Variants in RNF157 observed in about 807,000 individuals in gnomAD.
RNF157 encodes the protein ring finger protein 157, also known as E3 ubiquitin ligase RNF157.
In RNF157, 55 loss-of-function variants were observed where a neutral mutation model predicts 88.3. The observed-to-expected ratio is 0.62, with a 90% confidence interval of 0.50 to 0.78. The LOEUF is 0.78. RNF157 is among the 30% of genes least tolerant of loss of function. The probability of loss-of-function intolerance (pLI) is 0.00; values close to 1 mark genes in which losing one functional copy is unlikely to be tolerated. For missense variants in RNF157, 788 were observed against 860.8 expected (o/e 0.92, Z 1.06); for synonymous variants, 334 against 341.2 (o/e 0.98, Z 0.23).
rs867416601 is a variant in RNF157, at chr17:76,161,391, G to A, written c.1065+144C>T. On this transcript the variant is annotated intron_variant, in intron 11 of 18. Transcript: ENST00000269391. The surrounding 1 kb of genome is among the most constrained non-coding windows in gnomAD (Gnocchi z 4.6). ...TCCACAGTAATAAGTTGGTTTTAACGCATGCTCTCAGCCGGCTTGCTAAAT... is the reference window on the plus strand; with the variant it reads ...TCCACAGTAATAAGTTGGTTTTAACACATGCTCTCAGCCGGCTTGCTAAAT... 27 of 677,774 alleles carry A rather than the reference G, an allele frequency of 4.0e-5. No homozygotes were observed. Among genetic ancestry groups the A allele is most frequent in the African/African-American group, 1.4e-4 (8 of 55,732 alleles). The allele number at this position is 677,774 out of a possible 1,614,324, so 42.0% of individuals were successfully genotyped here.
chr17:76,168,168 TA>T (rs56288526), intron 3 of RNF157, among the ~76,000 whole-genome samples: 219 of 152,340 alleles, frequency 1.4e-3, no homozygotes, highest in Non-Finnish European at 2.5e-3. Context: ...CCCACGTTTC[TA>T]AAAAATATAC....
intron 6 of RNF157, 84 bp from the exon 7 acceptor site, chr17:76,165,629 G>T: frequency 6.8e-7 from 1 of 1,464,830 alleles, no homozygotes; most frequent in South Asian, 1.1e-5. Context: ...CCTGCAATCT[G>T]GCAAACCAAA....
chr17:76,240,362 C>T lies in RNF157; in HGVS notation c.-122G>A. On this transcript the variant is annotated 5_prime_UTR_variant, in exon 1 of 19. Transcript: ENST00000269391. This position sits in a 1 kb window ranked among gnomAD's most constrained non-coding sequence, Gnocchi z 4.4. ...CTGCCCGCCGCGGCCGGCTCCGCTG[C>T]GGCGCTGCGGCTCTGGCGGCGGGGA... is the stretch of plus-strand genomic sequence containing the variant. 4.0e-6 allele frequency: 1 copy of T among 247,186 alleles called. No homozygotes were observed. The highest frequency in any genetic ancestry group is 6.3e-6 in the Non-Finnish European group (1 of 158,168). 15.3% of individuals were successfully genotyped at this position (247,186 alleles called of 1,614,324 possible). A position where few individuals can be genotyped will look rare whatever the true frequency, so the allele number is the denominator to read the frequency against.
At position 76,207,265 on chromosome 17, in the gene RNF157, T is replaced by A. The variant is rs77960453; in HGVS notation, c.207+5099A>T. 7.0e-3 allele frequency among the ~76,000 whole-genome samples: 1,065 copies of A among 152,130 alleles called. 14 individuals are homozygous for A. The highest frequency in any genetic ancestry group is 0.024 in the African/African-American group (990 of 41,526). On this transcript the variant is annotated intron_variant, in intron 2 of 18. Coordinates refer to ENST00000269391, the MANE Select transcript of RNF157 (RefSeq NM_052916.3). Reference sequence around the variant, plus strand: ...AAAGACCCTGTCTCTACAAAAAAAATTTTAAAAATTAGCCCAGTGTAGTAG... The same window carrying A: ...AAAGACCCTGTCTCTACAAAAAAAAATTTAAAAATTAGCCCAGTGTAGTAG...
chr17:76,212,988 C>T (rs551698090), intron 1 of RNF157, among the ~76,000 whole-genome samples: 14 of 152,272 alleles, frequency 9.2e-5, no homozygotes, highest in African/African-American at 3.4e-4. Context: ...AGGGAAAACC[C>T]CAGATACCAA....
chr17:76,240,080 C>T lies in RNF157; in HGVS notation c.88+73G>A. The T allele has an allele frequency of 3.1e-6, 3 of 953,624 alleles. No homozygotes were observed. The highest frequency in any genetic ancestry group is 4.0e-6 in the Non-Finnish European group (3 of 741,644). 59.1% of individuals were successfully genotyped at this position (953,624 alleles called of 1,614,324 possible). A position where few individuals can be genotyped will look rare whatever the true frequency, so the allele number is the denominator to read the frequency against. The stretch of plus-strand genomic sequence containing the variant: ...TCCCCGAAGACCCGCGGGGCCCCCT[C>T]AGGCCGTCCCGACCCAGACCCCTGC... On this transcript the variant is annotated intron_variant, in intron 1 of 18. Coordinates refer to ENST00000269391, the MANE Select transcript of RNF157 (RefSeq NM_052916.3). The surrounding 1 kb of genome is among the most constrained non-coding windows in gnomAD (Gnocchi z 4.4).
intron 1 of RNF157, among the ~76,000 whole-genome samples, chr17:76,239,797 G>C: frequency 6.6e-6 from 1 of 152,136 alleles, no homozygotes; most frequent in East Asian, 1.9e-4. Context: ...GGGTCCGTGC[G>C]GGGCGCCGAC....
intron 2 of RNF157, among the ~76,000 whole-genome samples, chr17:76,186,759 G>A (rs2069297567): frequency 1.3e-5 from 2 of 151,966 alleles, no homozygotes; most frequent in South Asian, 4.1e-4. Flanking sequence ...GGCCAAACTG[G>A]TGAAACCCCA....
intron 18 of RNF157, among the ~76,000 whole-genome samples, chr17:76,151,536 C>T (rs1307313359): frequency 6.6e-6 from 1 of 152,216 alleles, no homozygotes; most frequent in Non-Finnish European, 1.5e-5. Context: ...ATGTGAAGGA[C>T]AATTTCTGTC....
At chr17:76,174,147 T>C (rs1250741869) in intron 2 of RNF157, among the ~76,000 whole-genome samples, 2 of 151,820 alleles carry the variant, frequency 1.3e-5, no homozygotes, top group Non-Finnish European at 2.9e-5. Context: ...AAAAGGCTTT[T>C]CCATCTGACC....
At chr17:76,210,341 C>T (rs2069762769) in intron 2 of RNF157, among the ~76,000 whole-genome samples, 1 of 151,830 alleles carries the variant, frequency 6.6e-6, no homozygotes, top group Admixed American at 6.6e-5. Flanking sequence ...TGCCTGTAAT[C>T]CCAGCACTTT....
Position 76,173,709 on chromosome 17 carries a change from G to A in RNF157, c.289C>T (p.Leu97Phe). The change falls in exon 3 of 19, where the codon CTC becomes TTC. Residue 97 changes from leucine to phenylalanine, a missense_variant. Leu to Phe is a conservative substitution (Grantham distance 22, BLOSUM62 0). Coordinates refer to ENST00000269391, the MANE Select transcript of RNF157 (RefSeq NM_052916.3). Reference sequence around the variant, plus strand: ...CAGCCTCTGGGAACTTACTTGACGAGCCTCAGTGTGTCCTTTCGGATATTG... The same window carrying A: ...CAGCCTCTGGGAACTTACTTGACGAACCTCAGTGTGTCCTTTCGGATATTG... ...LVNIRKDTLR[L>F]VKCAEEVKSP... 1 of 1,606,978 alleles carries A rather than the reference G, an allele frequency of 6.2e-7. No homozygotes were observed. Among genetic ancestry groups the A allele is most frequent in the Non-Finnish European group, 8.5e-7 (1 of 1,175,978 alleles).
intron 2 of RNF157, among the ~76,000 whole-genome samples, chr17:76,175,500 T>C (rs1421843167): frequency 6.6e-6 from 1 of 152,166 alleles, no homozygotes; most frequent in African/African-American, 2.4e-5. Flanking sequence ...AAAACTGAAA[T>C]TCTAGTTCAG....
intron 18 of RNF157, among the ~76,000 whole-genome samples, chr17:76,150,096 G>A (rs529191468): frequency 7.7e-4 from 116 of 151,362 alleles, no homozygotes; most frequent in African/African-American, 2.7e-3. Context: ...CCACAGAAGC[G>A]TTCCCATTTT....
At chr17:76,207,907 T>C (rs531218296) in intron 2 of RNF157, among the ~76,000 whole-genome samples, 1 of 152,262 alleles carries the variant, frequency 6.6e-6, no homozygotes, top group African/African-American at 2.4e-5. Flanking sequence ...AGAGAACATA[T>C]CACTGCCACT....
intron 1 of RNF157, among the ~76,000 whole-genome samples, chr17:76,220,915 G>A (rs939649177): frequency 6.6e-5 from 10 of 151,144 alleles, no homozygotes; most frequent in South Asian, 2.1e-4. Flanking sequence ...CCGAGATTGC[G>A]CCATTGTACT....
At chr17:76,163,856 G>C (rs1256465063) in intron 8 of RNF157, 1 of 152,246 alleles carries the variant, frequency 6.6e-6, no homozygotes, top group Non-Finnish European at 1.5e-5. Context: ...CCTGAGCCCA[G>C]GATCTGTTTC....
intron 2 of RNF157, among the ~76,000 whole-genome samples, chr17:76,174,275 T>G (rs1255549275): frequency 1.3e-5 from 2 of 152,166 alleles, no homozygotes; most frequent in Non-Finnish European, 2.9e-5. Context: ...AGCTGAAGTT[T>G]GCAAACAGTA....
intron 2 of RNF157, among the ~76,000 whole-genome samples, chr17:76,194,803 CAGG>C (rs1007951798): frequency 6.6e-5 from 10 of 152,250 alleles, no homozygotes; most frequent in South Asian, 4.2e-4. Context: ...ATCACGAGGT[CAGG>C]AGATCGAGAC....
Sources: gnomAD v4.1 joint callset for allele counts (sites outside exome capture counted in the v4.1 genomes callset) on GRCh38, gnomAD v4.1.1 for gene constraint, Gnocchi (gnomAD v3.1) non-coding constraint, MANE v1.5 for transcripts, NCBI Gene and HGNC (gene_info 2026-07-23, HGNC 2026-07-21) for gene names.